UST: variants seen among roughly 807,000 people sequenced by gnomAD.
UST encodes chondroitin sulfate 2-O-sulfotransferase.
A neutral mutation model predicts 45.6 loss-of-function variants in UST; 21 were observed. That is an observed-to-expected ratio of 0.46 (90% CI 0.33 to 0.66). The LOEUF is 0.66. Among genes scored for constraint, UST ranks in the 30% least tolerant of loss-of-function variants. The pLI is 0.02. For missense variants in UST, 463 were observed against 512.4 expected, an observed-to-expected ratio of 0.90 and a Z score of 0.93; for synonymous variants, 215 against 200.6, an observed-to-expected ratio of 1.07 and a Z score of -0.61.
At chr6:149,066,758 G>T (rs1776735240) in intron 7 of UST, among the ~76,000 whole-genome samples, 1 of 151,922 alleles carries the variant, frequency 6.6e-6, no homozygotes, top group African/African-American at 2.4e-5. Context: ...CAGATTAACA[G>T]GAAAAAAAGG....
chr6:149,017,209 C>G (rs1164116448), intron 5 of UST, among the ~76,000 whole-genome samples: 3 of 152,124 alleles, frequency 2.0e-5, no homozygotes, highest in Non-Finnish European at 4.4e-5. Context: ...AACCCCATCT[C>G]TACTAAAAAT....
rs187035882 is a variant in UST, at chr6:149,004,166, C to A, written c.682-14973C>A. 1.6e-3 allele frequency among the ~76,000 whole-genome samples: 248 copies of A among 152,230 alleles called. 2 individuals are homozygous for A. Among genetic ancestry groups the A allele is most frequent in the African/African-American group, 5.8e-3 (240 of 41,536 alleles). ...ACATAGTATTTAATGCTATTGTACA[C>A]ACGAAAAACCTACTCTTCCCCTTGT... is the stretch of plus-strand genomic sequence containing the variant. On this transcript the variant is annotated intron_variant, in intron 5 of 7. Coordinates refer to ENST00000367463, the MANE Select transcript of UST (RefSeq NM_005715.3).
rs367689456 is a variant in UST at position 149,028,279 on chromosome 6, C to A, written c.937+6798C>A. Among the ~76,000 whole-genome samples, 6 of 152,298 alleles carry A rather than the reference C, an allele frequency of 3.9e-5. 1 individual carries two copies. The highest frequency in any genetic ancestry group is 1.3e-4 in the Admixed American group (2 of 15,304). On this transcript the variant is annotated intron_variant, in intron 7 of 7. Coordinates refer to ENST00000367463, the MANE Select transcript of UST (RefSeq NM_005715.3). ...TCAGTTTCCCCATCTGGATAAGATGCATAAATAATCTTATGTACTTCATAG... is the reference window on the plus strand; with the variant it reads ...TCAGTTTCCCCATCTGGATAAGATGAATAAATAATCTTATGTACTTCATAG...
intron 3 of UST, among the ~76,000 whole-genome samples, chr6:148,944,895 T>G (rs1780204935): frequency 1.3e-5 from 2 of 151,844 alleles, no homozygotes; most frequent in Admixed American, 1.3e-4. Flanking sequence ...AATAGGGAAT[T>G]TTTTTCCCCA....
intron 1 of UST, among the ~76,000 whole-genome samples, chr6:148,877,306 T>C (rs1186367081): frequency 4.8e-5 from 3 of 62,034 alleles, no homozygotes; most frequent in East Asian, 5.8e-4. Flanking sequence ...CGGGGGGTCG[T>C]GTATGAGTGT....
In UST at chr6:148,748,450, T is replaced by C. The variant is rs889268628; in HGVS notation, c.247+773T>C. Among the ~76,000 whole-genome samples, 1 of 129,478 alleles carries C rather than the reference T, an allele frequency of 7.7e-6. No individual in the cohort carries two copies. The highest frequency in any genetic ancestry group is 2.9e-5 in the African/African-American group (1 of 34,676). 84.9% of individuals were successfully genotyped at this position (129,478 alleles called of 152,430 possible). ...GTGTGTGTGTGTGTGTGTGTGTGTGTGTGGTTTATTAGGAGAGAGGCCGCC... is the reference window on the plus strand; with the variant it reads ...GTGTGTGTGTGTGTGTGTGTGTGTGCGTGGTTTATTAGGAGAGAGGCCGCC... On this transcript the variant is annotated intron_variant, in intron 1 of 7. Coordinates refer to ENST00000367463, the MANE Select transcript of UST (RefSeq NM_005715.3). The surrounding 1 kb of genome is among the most constrained non-coding windows in gnomAD (Gnocchi z 5.3).
intron 5 of UST, among the ~76,000 whole-genome samples, chr6:149,008,272 G>T (rs900359420): frequency 2.0e-5 from 3 of 152,138 alleles, no homozygotes; most frequent in Non-Finnish European, 2.9e-5. Flanking sequence ...ATTCCATTTT[G>T]AAGTTACAGG....
intron 1 of UST, among the ~76,000 whole-genome samples, chr6:148,781,667 A>G (rs1183071250): frequency 1.3e-5 from 2 of 152,196 alleles, no homozygotes; most frequent in African/African-American, 2.4e-5. Context: ...CTAGGACTCT[A>G]GTTACAGAGG....
chr6:148,883,146 G>C (rs1196279245), intron 1 of UST, among the ~76,000 whole-genome samples: 1 of 152,194 alleles, frequency 6.6e-6, no homozygotes, highest in African/African-American at 2.4e-5. Context: ...AAAAGTCATT[G>C]AATAGAAAAG....
chr6:148,897,015 C>G (rs1779144568), intron 2 of UST, among the ~76,000 whole-genome samples: 1 of 152,114 alleles, frequency 6.6e-6, no homozygotes, highest in South Asian at 2.1e-4. Flanking sequence ...CATGGTAGCA[C>G]CCAGCAATGG....
chr6:148,934,675 G>A lies in UST; in HGVS notation c.292-6604G>A, dbSNP rs17080152. Among the ~76,000 whole-genome samples the A allele has an allele frequency of 0.1, 15,865 of 152,064 alleles. 952 individuals carry two copies. Among genetic ancestry groups the A allele is most frequent in the Middle Eastern group, 0.13 (39 of 294 alleles). On this transcript the variant is annotated intron_variant, in intron 2 of 7. Coordinates refer to ENST00000367463, the MANE Select transcript of UST (RefSeq NM_005715.3). The surrounding 1 kb of genome is among the most constrained non-coding windows in gnomAD (Gnocchi z 4.1). ...CCTTAATCCCTCAGAAGGCTTCAAGGACCCACTCAGCCACTTAATACAGAA... is the reference window on the plus strand; with the variant it reads ...CCTTAATCCCTCAGAAGGCTTCAAGAACCCACTCAGCCACTTAATACAGAA...
rs377415581 is a variant in UST at position 148,889,171 on chromosome 6, G to C, written c.291+2142G>C. Among the ~76,000 whole-genome samples the C allele has an allele frequency of 3.5e-4, 54 of 152,360 alleles. No individual in the cohort carries two copies. In the East Asian group the frequency reaches 5.8e-3, roughly 16 times the overall value. The stretch of plus-strand genomic sequence containing the variant: ...TCAGTGGGTCTGGGGTGGGAGCTGA[G>C]CATGTGCATTTCTCACAAGCTCCCA... On this transcript the variant is annotated intron_variant, in intron 2 of 7. Transcript: ENST00000367463.
intron 7 of UST, among the ~76,000 whole-genome samples, chr6:149,047,744 GC>G (rs774287453): frequency 1.3e-5 from 2 of 152,168 alleles, no homozygotes; most frequent in Non-Finnish European, 2.9e-5. Flanking sequence ...TCACAAAAAT[GC>G]CATTTTCCTC....
intron 5 of UST, among the ~76,000 whole-genome samples, chr6:148,976,109 A>G (rs2500515): frequency 0.35 from 53,160 of 152,144 alleles, 9,356 homozygotes; most frequent in Admixed American, 0.42. Context: ...CCATTGAAAA[A>G]TTACAAGTAA....
At chr6:149,030,828 ATC>A (rs1276184686) in intron 7 of UST, among the ~76,000 whole-genome samples, 3 of 152,152 alleles carry the variant, frequency 2.0e-5, no homozygotes, top group Non-Finnish European at 4.4e-5. Context: ...TTGAGAATAG[ATC>A]TGTTTGACAA....
chr6:149,021,411 T>C lies in UST; in HGVS notation c.867T>C (p.Asp289=). 1.2e-6 allele frequency: 2 copies of C among 1,614,226 alleles called. No homozygotes were observed. Among genetic ancestry groups the C allele is most frequent in the Non-Finnish European group, 1.7e-6 (2 of 1,180,044 alleles). Reference sequence around the variant, plus strand: ...TGGGGATTCTTGAAGAGTTGGAAGATGTGCTGCTGTTACTGGAAAGATTTT... The same window carrying C: ...TGGGGATTCTTGAAGAGTTGGAAGACGTGCTGCTGTTACTGGAAAGATTTT... ...LLVGILEELE[D]VLLLLERFLP... is the part of the protein sequence containing the mutation. Residue 289 remains aspartate (D), a synonymous_variant, in exon 7 of 8, where the codon GAT becomes GAC. Coordinates refer to ENST00000367463, the MANE Select transcript of UST (RefSeq NM_005715.3).
At chr6:148,869,909 G>A (rs926311157) in intron 1 of UST, among the ~76,000 whole-genome samples, 2 of 152,120 alleles carry the variant, frequency 1.3e-5, no homozygotes, top group East Asian at 3.9e-4. Flanking sequence ...CAAACAGGAG[G>A]CAGAGCTGGA....
intron 7 of UST, among the ~76,000 whole-genome samples, chr6:149,039,846 A>G (rs1776287051): frequency 1.3e-5 from 2 of 152,148 alleles, no homozygotes; most frequent in Admixed American, 1.3e-4. Context: ...AGTTAACTCT[A>G]CAGGGGCTTC....
intron 5 of UST, among the ~76,000 whole-genome samples, chr6:148,970,379 T>C (rs1039098148): frequency 4.6e-5 from 7 of 152,166 alleles, no homozygotes; most frequent in African/African-American, 1.7e-4. Flanking sequence ...TCACAGCCTC[T>C]CCTGGCGTAG....
Sources: allele counts gnomAD v4.1 joint callset (sites outside exome capture counted in the v4.1 genomes callset), GRCh38; gene constraint gnomAD v4.1.1; non-coding constraint Gnocchi (gnomAD v3.1); transcripts MANE v1.5; gene names NCBI Gene and HGNC (gene_info 2026-07-23, HGNC 2026-07-21).